AARS1: variants seen among roughly 807,000 people sequenced by gnomAD.
The protein encoded by AARS1 is alanyl-tRNA synthetase 1.
AARS1 carries 72 observed loss-of-function variants against 108.9 expected under a neutral mutation model. The ratio of observed to expected loss-of-function variants is 0.66; its 90% CI spans 0.55 to 0.80. The LOEUF (loss-of-function observed/expected upper bound fraction) is 0.80. Among genes scored for constraint, AARS1 ranks in the 30% least tolerant of loss-of-function variants. AARS1 has a pLI of 0.00. For synonymous variants in AARS1, 489 were observed against 465.7 expected, an observed-to-expected ratio of 1.05 and a Z score of -0.64; for missense variants, 1,193 against 1,233.2, an observed-to-expected ratio of 0.97 and a Z score of 0.49.
chr16:70,269,817 C>T, intron 6 of AARS1, 54 bp from the exon 7 acceptor site: 12 of 1,610,762 alleles, frequency 7.4e-6, no homozygotes, highest in Non-Finnish European at 1.0e-5. Context: ...TCTGGCGCTA[C>T]CTTGCCCAAG....
At chr16:70,283,227 T>G (rs147965478) in intron 1 of AARS1, among the ~76,000 whole-genome samples, 1 of 151,956 alleles carries the variant, frequency 6.6e-6, no homozygotes, top group Non-Finnish European at 1.5e-5. Flanking sequence ...TGAAATCCCA[T>G]CTCTACTAAA....
chr16:70,255,088 GC>G (rs973268383), intron 16 of AARS1, among the ~76,000 whole-genome samples: 6 of 151,812 alleles, frequency 4.0e-5, no homozygotes, highest in African/African-American at 1.2e-4. Context: ...GACTAAGCAC[GC>G]CCCTAGGAGT....
At chr16:70,255,950 G>C (rs751280008) in intron 15 of AARS1, 114 bp from the exon 16 acceptor site, 20 of 973,040 alleles carry the variant, frequency 2.1e-5, no homozygotes, top group Non-Finnish European at 2.7e-5. Flanking sequence ...GGAAAGCCTG[G>C]GCTTGAGAGT....
At chr16:70,287,156 G>C (rs1960865565) in intron 1 of AARS1, among the ~76,000 whole-genome samples, 1 of 150,122 alleles carries the variant, frequency 6.7e-6, no homozygotes, top group East Asian at 2.0e-4. Flanking sequence ...TCGGGAGGCT[G>C]AGGCAGGAGA....
Position 70,264,974 on chromosome 16 carries a change from G to A in AARS1, c.1476C>T (p.Asp492=), listed in dbSNP as rs759837815. The A allele has an allele frequency of 6.2e-7, 1 of 1,614,124 alleles. No homozygotes were observed. Among genetic ancestry groups the A allele is most frequent in the South Asian group, 1.1e-5 (1 of 91,076 alleles). The part of the protein sequence containing the change: ...DDSPKYNYHL[D]SSGSYVFENT... ...GCAACATACCATAGCTACCACTGGA[G>A]TCCAAATGGTAATTGTACTTTGGGG... Residue 492 remains aspartate (D), a synonymous_variant, in exon 11 of 21, where the codon GAC becomes GAT. Transcript: ENST00000261772.
At chr16:70,283,732 T>G (rs578013572) in intron 1 of AARS1, among the ~76,000 whole-genome samples, 2 of 152,276 alleles carry the variant, frequency 1.3e-5, no homozygotes, top group South Asian at 4.1e-4. Context: ...ACCACCTGTA[T>G]GTAGCAGGAA....
chr16:70,265,255 G>T, intron 10 of AARS1, 153 bp from the exon 11 acceptor site: 1 of 1,108,036 alleles, frequency 9.0e-7, no homozygotes, highest in Non-Finnish European at 1.3e-6. Context: ...ATCATTCTCT[G>T]TTGTGGAAAC....
intron 4 of AARS1, chr16:70,275,931 C>A (rs1339745477): frequency 2.7e-5 from 2 of 73,704 alleles, no homozygotes; most frequent in African/African-American, 7.3e-5. Context: ...AGCAAGACTC[C>A]ATCTCAAAAA....
Position 70,252,574 on chromosome 16 carries a change from G to A in AARS1, c.*147C>T, listed in dbSNP as rs1273944157. The A allele has an allele frequency of 1.2e-5, 10 of 863,510 alleles. 1 individual carries two copies. The highest frequency in any genetic ancestry group is 6.7e-4 in the Middle Eastern group (2 of 2,978). The allele number at this position is 863,510 out of a possible 1,614,324, so 53.5% of individuals were successfully genotyped here. On this transcript the variant is annotated 3_prime_UTR_variant, in exon 21 of 21. Transcript: ENST00000261772. Reference sequence around the variant, plus strand: ...TCAGGGCAGAAATTTAAGGGGCACTGAGACATAGGACTGCTCCCAAGTGTG... The same window carrying A: ...TCAGGGCAGAAATTTAAGGGGCACTAAGACATAGGACTGCTCCCAAGTGTG...
rs926887122 is a variant in AARS1 at position 70,252,373 on chromosome 16, G to A, written c.*348C>T. ...AGCCCCTATTGGGAAGAGGGATAGA[G>A]ATCATGCGGCATTAAGTATTGCACG... is the stretch of plus-strand genomic sequence containing the variant. On this transcript the variant is annotated 3_prime_UTR_variant, in exon 21 of 21. Coordinates refer to ENST00000261772, the MANE Select transcript of AARS1 (RefSeq NM_001605.3). The A allele has an allele frequency of 1.0e-5, 4 of 396,870 alleles. No individual in the cohort carries two copies. The highest frequency in any genetic ancestry group is 1.9e-5 in the Non-Finnish European group (4 of 213,314). 24.6% of individuals were successfully genotyped at this position (396,870 alleles called of 1,614,324 possible). A position where few individuals can be genotyped will look rare whatever the true frequency, so the allele number is the denominator to read the frequency against.
intron 4 of AARS1, among the ~76,000 whole-genome samples, chr16:70,273,497 C>T (rs1287898810): frequency 1.3e-5 from 2 of 152,026 alleles, no homozygotes; most frequent in Admixed American, 6.6e-5. Context: ...GCAGGTAGAT[C>T]GCTTGAGCTC....
chr16:70,277,295 G>A, intron 2 of AARS1, 141 bp from the exon 3 acceptor site: 1 of 954,534 alleles, frequency 1.0e-6, no homozygotes, highest in Admixed American at 2.0e-5. Flanking sequence ...TGTCAGAACA[G>A]GTGGCCTGGT....
chr16:70,253,851 G>C (rs192447854), intron 18 of AARS1, 51 bp from the exon 19 acceptor site: 25 of 1,614,074 alleles, frequency 1.5e-5, no homozygotes, highest in Non-Finnish European at 1.9e-5. Context: ...CCCAGGCCCC[G>C]AACCCCTGGC....
rs1959914190 is a variant in AARS1 at position 70,253,974 on chromosome 16, A to G, written c.2465T>C (p.Leu822Pro). ...KDELRETLKS[L>P]KKVMDDLDRA... is the part of the protein sequence containing the mutation. Reference sequence around the variant, plus strand: ...GTCCAAGTCATCCATGACCTTCTTTAGGGATTTGAGAGTCTCCCGCAATTC... The same window carrying G: ...GTCCAAGTCATCCATGACCTTCTTTGGGGATTTGAGAGTCTCCCGCAATTC... The change falls in exon 18 of 21, where the codon CTA (leucine) becomes CCA (proline). Residue 822 changes from leucine to proline, a missense_variant. Coordinates refer to ENST00000261772, the MANE Select transcript of AARS1 (RefSeq NM_001605.3). 1 of 1,614,062 alleles carries G rather than the reference A, an allele frequency of 6.2e-7. No individual in the cohort carries two copies. The highest frequency in any genetic ancestry group is 8.5e-7 in the Non-Finnish European group (1 of 1,180,020).
chr16:70,259,333 A>G, intron 13 of AARS1, 147 bp from the exon 14 acceptor site: 1 of 847,264 alleles, frequency 1.2e-6, no homozygotes, highest in Non-Finnish European at 1.9e-6. Flanking sequence ...CCTATGGCTA[A>G]GTGTGTCCAT....
chr16:70,258,511 C>A (rs1161072483), intron 14 of AARS1, among the ~76,000 whole-genome samples: 6 of 152,230 alleles, frequency 3.9e-5, no homozygotes, highest in Non-Finnish European at 8.8e-5. Flanking sequence ...CTCCCCTCCA[C>A]CAACCACCAC....
chr16:70,270,407 G>C, intron 5 of AARS1, 67 bp from the exon 6 acceptor site: 1 of 1,592,160 alleles, frequency 6.3e-7, no homozygotes, highest in Non-Finnish European at 8.6e-7. Context: ...AGTCCCTGCT[G>C]GTTAAAATTC....
chr16:70,287,465 G>C (rs1960878031), intron 1 of AARS1, among the ~76,000 whole-genome samples: 1 of 150,524 alleles, frequency 6.6e-6, no homozygotes, highest in African/African-American at 2.4e-5. Context: ...TGTCACCCAG[G>C]CTTTACACAC....
intron 3 of AARS1, 59 bp from the exon 4 acceptor site, chr16:70,276,690 T>C: frequency 2.1e-5 from 33 of 1,551,490 alleles, no homozygotes; most frequent in Non-Finnish European, 2.8e-5. Context: ...CTATTTAGTA[T>C]GAGACCAGAT....
Sources: allele counts gnomAD v4.1 joint callset (sites outside exome capture counted in the v4.1 genomes callset), GRCh38; gene constraint gnomAD v4.1.1; transcripts MANE v1.5; gene names NCBI Gene and HGNC (gene_info 2026-07-23, HGNC 2026-07-21).